Variants in CFAP52 observed in about 807,000 individuals in gnomAD.
CFAP52 encodes cilia- and flagella-associated protein 52.
A neutral mutation model predicts 70.5 loss-of-function variants in CFAP52; 57 were observed. That is an observed-to-expected ratio of 0.81 (90% confidence interval 0.65 to 1.01). The LOEUF (loss-of-function observed/expected upper bound fraction) is 1.01. Among genes scored for constraint, CFAP52 ranks in the 50% least tolerant of loss-of-function variants. The pLI, the probability that CFAP52 is intolerant of heterozygous loss-of-function variation, is 0.00. For synonymous variants in CFAP52, 267 were observed against 292.5 expected (o/e 0.91, Z 0.89); for missense variants, 785 against 788.5 (o/e 1.00, Z 0.05).
At chr17:9,615,828 C>T (rs1397136577) in intron 8 of CFAP52, among the ~76,000 whole-genome samples, 1 of 73,168 alleles carries the variant, frequency 1.4e-5, no homozygotes, top group Non-Finnish European at 2.8e-5. Context: ...TTCCCAGAAA[C>T]AGGGTCTCAC....
At chr17:9,596,966 C>T (rs1183620598) in intron 4 of CFAP52, among the ~76,000 whole-genome samples, 2 of 152,100 alleles carry the variant, frequency 1.3e-5, no homozygotes, top group Admixed American at 6.6e-5. Context: ...GATCCACCCA[C>T]CTTTGCCTCC....
At chr17:9,606,644 T>G (rs1412774736) in intron 6 of CFAP52, among the ~76,000 whole-genome samples, 1 of 152,208 alleles carries the variant, frequency 6.6e-6, no homozygotes, top group Non-Finnish European at 1.5e-5. Flanking sequence ...CCTGTGCACT[T>G]GAATGACGTC....
At chr17:9,630,651 G>T (rs181936649) in intron 9 of CFAP52, among the ~76,000 whole-genome samples, 1 of 150,136 alleles carries the variant, frequency 6.7e-6, no homozygotes. Context: ...AGGATGGTCT[G>T]GATCTCCTGA....
chr17:9,592,155 A>G (rs1908791762), intron 3 of CFAP52, among the ~76,000 whole-genome samples: 1 of 151,646 alleles, frequency 6.6e-6, no homozygotes, highest in South Asian at 2.1e-4. Flanking sequence ...AATGTTTTCA[A>G]CACCCCAAAA....
In CFAP52 at chr17:9,604,700, A is replaced by T. The variant is rs530588649; in HGVS notation, c.754-3419A>T. The stretch of plus-strand genomic sequence containing the variant: ...GGAGAATCACTTGAACCCGGCAGTG[A>T]GATCACGCCATTGCACTTCAGCCTG... On this transcript the variant is annotated intron_variant, in intron 6 of 13. Transcript: ENST00000352665. Among the ~76,000 whole-genome samples the T allele has an allele frequency of 1.4e-3, 215 of 151,932 alleles. 1 individual carries two copies. The highest frequency in any genetic ancestry group is 6.8e-3 in the Middle Eastern group (2 of 294).
At chr17:9,645,223 G>C (rs1222463202), downstream of CFAP52, 1 of 154,020 alleles carries the variant, frequency 6.5e-6, no homozygotes, top group Admixed American at 6.5e-5. This position sits in a 1 kb window ranked among gnomAD's most constrained non-coding sequence, Gnocchi z 6.8. Context: ...TCCTGCAGTA[G>C]CCAGGCCTTT....
At chr17:9,608,026 G>T (rs2151940193) in intron 6 of CFAP52, 93 bp from the exon 7 acceptor site, 5 of 870,954 alleles carry the variant, frequency 5.7e-6, no homozygotes, top group East Asian at 2.8e-5. Flanking sequence ...ATATGTTTTT[G>T]GGGAACAGGT....
In CFAP52 at chr17:9,628,514, G is replaced by A. The variant is rs144401450; in HGVS notation, c.1026-158G>A. ...AGGCTGGTCTCAAACTCCTGACCTC[G>A]TGATCCACCCCCCTGGCCTCCCAAA... On this transcript the variant is annotated intron_variant, in intron 8 of 13. Coordinates refer to ENST00000352665, the MANE Select transcript of CFAP52 (RefSeq NM_145054.5). 2.9e-3 allele frequency among the ~76,000 whole-genome samples: 445 copies of A among 152,122 alleles called. 1 individual carries two copies. Among genetic ancestry groups the A allele is most frequent in the African/African-American group, 0.01 (427 of 41,512 alleles).
chr17:9,641,659 T>C, intron 12 of CFAP52, 65 bp from the exon 13 acceptor site: 2 of 1,182,050 alleles, frequency 1.7e-6, no homozygotes, highest in Admixed American at 3.5e-5. Context: ...CCATCTTTTG[T>C]TAGCATGTGC....
intron 11 of CFAP52, among the ~76,000 whole-genome samples, chr17:9,636,206 A>T (rs1023587577): frequency 1.5e-5 from 2 of 134,300 alleles, no homozygotes; most frequent in Non-Finnish European, 3.2e-5. Flanking sequence ...AAAGAAAGAA[A>T]GAAAGAAAGA....
At chr17:9,614,815 A>C (rs1909846272) in intron 8 of CFAP52, among the ~76,000 whole-genome samples, 2 of 152,160 alleles carry the variant, frequency 1.3e-5, no homozygotes, top group Admixed American at 6.5e-5. Flanking sequence ...TGACGACCAA[A>C]AAATGTCCCC....
At chr17:9,590,963 T>A (rs1224479877) in intron 3 of CFAP52, among the ~76,000 whole-genome samples, 2 of 147,420 alleles carry the variant, frequency 1.4e-5, no homozygotes, top group Admixed American at 6.7e-5. Context: ...ATCTAGCTTC[T>A]ACACAGAGGA....
chr17:9,577,507 T>TTAGA (rs1326966490), intron 1 of CFAP52, among the ~76,000 whole-genome samples: 1 of 152,206 alleles, frequency 6.6e-6, no homozygotes, highest in Non-Finnish European at 1.5e-5. Context: ...AAACAATGAA[T>TTAGA]TAGATTTTAG....
intron 8 of CFAP52, among the ~76,000 whole-genome samples, chr17:9,624,476 T>C (rs1250600499): frequency 1.3e-5 from 2 of 152,136 alleles, no homozygotes; most frequent in African/African-American, 2.4e-5. Context: ...TTAGTTATTG[T>C]ACTTCTTACC....
In CFAP52 at chr17:9,611,838, T is replaced by C. The variant is rs73975745; in HGVS notation, c.855-471T>C. The stretch of plus-strand genomic sequence containing the variant: ...AATATCCTATGAAGCTGATGTTCCA[T>C]AGATCATTTAACTATTCCATTACAA... On this transcript the variant is annotated intron_variant, in intron 7 of 13. Coordinates refer to ENST00000352665, the MANE Select transcript of CFAP52 (RefSeq NM_145054.5). Among the ~76,000 whole-genome samples the C allele has an allele frequency of 4.0e-3, 607 of 152,354 alleles. 5 individuals are homozygous for C. Among genetic ancestry groups the C allele is most frequent in the African/African-American group, 0.013 (555 of 41,578 alleles).
chr17:9,608,267 C>A, intron 7 of CFAP52, 48 bp downstream of exon 7: 1 of 1,399,654 alleles, frequency 7.1e-7, no homozygotes, highest in Non-Finnish European at 9.6e-7. Flanking sequence ...ACCCACTAAA[C>A]GGAGATTTGC....
intron 11 of CFAP52, among the ~76,000 whole-genome samples, chr17:9,636,243 GAAAGAA>G (rs1910796486): frequency 2.3e-5 from 3 of 128,866 alleles, no homozygotes; most frequent in South Asian, 3.0e-4. Context: ...AAGAAAGAAA[GAAAGAA>G]AGAGAAAGAA....
At chr17:9,629,542 G>T (rs1395799489) in intron 9 of CFAP52, among the ~76,000 whole-genome samples, 20 of 129,882 alleles carry the variant, frequency 1.5e-4, no homozygotes, top group South Asian at 5.1e-4. Context: ...TTCCTTGCTT[G>T]CTTGCTTTTT....
At chr17:9,639,610 A>G (rs1168122011) in intron 12 of CFAP52, among the ~76,000 whole-genome samples, 7 of 152,126 alleles carry the variant, frequency 4.6e-5, no homozygotes, top group African/African-American at 1.7e-4. Flanking sequence ...TAATACACAC[A>G]TGAACCAATC....
Sources: gnomAD v4.1 joint callset for allele counts (sites outside exome capture counted in the v4.1 genomes callset) on GRCh38, gnomAD v4.1.1 for gene constraint, Gnocchi (gnomAD v3.1) non-coding constraint, MANE v1.5 for transcripts, NCBI Gene and HGNC (gene_info 2026-07-23, HGNC 2026-07-21) for gene names.